The following SOX13 variants were observed in gnomAD, a reference collection of about 807,000 sequenced individuals.
The protein encoded by SOX13 is SRY-box transcription factor 13.
Under a neutral mutation model 71.8 loss-of-function variants are expected in SOX13, and 28 were observed. That is an observed-to-expected ratio of 0.39 (90% CI 0.29 to 0.53). The LOEUF is 0.53. Among genes scored for constraint, SOX13 ranks in the 20% least tolerant of loss-of-function variants. The pLI, the probability that SOX13 is intolerant of heterozygous loss-of-function variation, is 0.70. For synonymous variants in SOX13, 309 were observed against 317.8 expected, an observed-to-expected ratio of 0.97 and a Z score of 0.29; for missense variants, 627 against 810.3, an observed-to-expected ratio of 0.77 and a Z score of 2.75.
intron 1 of SOX13, among the ~76,000 whole-genome samples, chr1:204,110,057 C>T (rs1175088615): frequency 6.6e-6 from 1 of 151,956 alleles, no homozygotes; most frequent in African/African-American, 2.4e-5. Context: ...GTCTCGAACT[C>T]CCGGCTTCAG....
chr1:204,095,902 C>A (rs1656242335), intron 1 of SOX13, among the ~76,000 whole-genome samples: 1 of 152,202 alleles, frequency 6.6e-6, no homozygotes, highest in Non-Finnish European at 1.5e-5. Flanking sequence ...AAGTACCTCA[C>A]ATAAGTAGAC....
At chr1:204,124,955 A>ACC in intron 13 of SOX13, 98 bp downstream of exon 13, 1 of 875,170 alleles carries the variant, frequency 1.1e-6, no homozygotes, top group Middle Eastern at 3.3e-4. Flanking sequence ...TTTGTGTGTG[A>ACC]CCCCAGGGGT....
At chr1:204,087,295 C>T (rs1656044947) in intron 1 of SOX13, among the ~76,000 whole-genome samples, 1 of 152,174 alleles carries the variant, frequency 6.6e-6, no homozygotes, top group African/African-American at 2.4e-5. Flanking sequence ...ATAAGTCAGG[C>T]TGGGAGGCCT....
At chr1:204,078,907 G>C (rs1188770975) in intron 1 of SOX13, among the ~76,000 whole-genome samples, 1 of 152,196 alleles carries the variant, frequency 6.6e-6, no homozygotes, top group Non-Finnish European at 1.5e-5. Flanking sequence ...TTTCTCTGAG[G>C]AGCAGAGATA....
At chr1:204,103,406 G>A (rs1222885674) in intron 1 of SOX13, among the ~76,000 whole-genome samples, 1 of 152,230 alleles carries the variant, frequency 6.6e-6, no homozygotes, top group Non-Finnish European at 1.5e-5. Context: ...ACATCAGCGA[G>A]GCCTGAGTTC....
intron 1 of SOX13, among the ~76,000 whole-genome samples, chr1:204,108,512 G>C (rs1656514768): frequency 6.6e-6 from 1 of 152,238 alleles, no homozygotes; most frequent in Non-Finnish European, 1.5e-5. Flanking sequence ...TTTGTGTCCT[G>C]TTCATCTGAC....
Position 204,124,666 on chromosome 1 carries a change from C to G in SOX13, c.1401C>G (p.Asn467Lys). 1 of 1,612,846 alleles carries G rather than the reference C, an allele frequency of 6.2e-7. No individual in the cohort carries two copies. The highest frequency in any genetic ancestry group is 8.5e-7 in the Non-Finnish European group (1 of 1,179,542). ...ILGSRWKSMT[N>K]QEKQPYYEEQ... The stretch of plus-strand genomic sequence containing the variant: ...GATCTCGCTGGAAGTCCATGACCAA[C>G]CAGGAGAAGCAGCCCTACTATGAGG... The change falls in exon 13 of 14, where the codon AAC becomes AAG. Residue 467 changes from asparagine to lysine, a missense_variant. Around this residue, in one of 3 missense-constraint regions of SOX13, gnomAD observed 32 missense variants for 85.4 expected, o/e 0.37. Transcript: ENST00000367204.
chr1:204,073,168 C>G lies in SOX13; in HGVS notation c.-545C>G, dbSNP rs1363542158. ...GCCCTTCTCCAGTCCCGGCTTGGAA[C>G]TGAACTGTGTGAGCACGGGTCCTGG... On this transcript the variant is annotated 5_prime_UTR_variant, in exon 1 of 14. Transcript: ENST00000367204. The surrounding 1 kb of genome is among the most constrained non-coding windows in gnomAD (Gnocchi z 6.8). 1 of 152,306 alleles carries G rather than the reference C, an allele frequency of 6.6e-6. No individual in the cohort carries two copies. Among genetic ancestry groups the G allele is most frequent in the African/African-American group, 2.4e-5 (1 of 41,422 alleles). 9.4% of individuals were successfully genotyped at this position (152,306 alleles called of 1,614,324 possible).
rs1656620400 is a variant in SOX13, at chr1:204,113,079, C to T, written c.164C>T (p.Ser55Phe). 7 of 1,598,926 alleles carry T rather than the reference C, an allele frequency of 4.4e-6. No homozygotes were observed. Among genetic ancestry groups the T allele is most frequent in the Non-Finnish European group, 6.0e-6 (7 of 1,173,384 alleles). The change falls in exon 2 of 14, where the codon TCC (serine) becomes TTC (phenylalanine). Residue 55 changes from serine (S) to phenylalanine (F), a missense_variant. Around this residue, in one of 3 missense-constraint regions of SOX13, gnomAD observed 447 missense variants for 532.2 expected, o/e 0.84. Transcript: ENST00000367204. ...CAGCCTGGAGACCCAGCCCGGGCCT[C>T]CCAGGATAGTGCTGACCCCCAAGCT... ...EPQPGDPARA[S>F]QDSADPQAPA... is the part of the protein sequence containing the mutation.
intron 1 of SOX13, chr1:204,078,013 C>T (rs1034623439): frequency 4.6e-5 from 7 of 152,152 alleles, no homozygotes; most frequent in Admixed American, 3.9e-4. Flanking sequence ...GGCGTTTCAC[C>T]GTGTTGGTTT....
chr1:204,126,146 T>C lies in SOX13; in HGVS notation c.*12T>C, dbSNP rs754758106. ...TGCTCACAGACTGATCCCGGCTGGG[T>C]GGGCCTGGCCCCTTCTCCTCTGGGG... On this transcript the variant is annotated 3_prime_UTR_variant, in exon 14 of 14. Coordinates refer to ENST00000367204, the MANE Select transcript of SOX13 (RefSeq NM_005686.3). 2.5e-6 allele frequency: 4 copies of C among 1,611,456 alleles called. No individual in the cohort carries two copies. The highest frequency in any genetic ancestry group is 1.3e-5 in the African/African-American group (1 of 75,012).
chr1:204,091,244 C>A (rs1224660014), intron 1 of SOX13, among the ~76,000 whole-genome samples: 1 of 152,188 alleles, frequency 6.6e-6, no homozygotes, highest in Non-Finnish European at 1.5e-5. Flanking sequence ...AGACAAGTCG[C>A]GTTTCCTCGT....
At chr1:204,108,690 T>C (rs974156773) in intron 1 of SOX13, among the ~76,000 whole-genome samples, 3 of 152,072 alleles carry the variant, frequency 2.0e-5, no homozygotes, top group Admixed American at 2.0e-4. Flanking sequence ...CCGCAGTGGG[T>C]GTGAGTGAGG....
At chr1:204,080,321 C>A (rs1355818861) in intron 1 of SOX13, among the ~76,000 whole-genome samples, 2 of 150,990 alleles carry the variant, frequency 1.3e-5, no homozygotes, top group Non-Finnish European at 2.9e-5. Context: ...GTGTTACCCC[C>A]AACATTGTCC....
At chr1:204,086,066 G>C (rs1441420202) in intron 1 of SOX13, among the ~76,000 whole-genome samples, 9 of 152,200 alleles carry the variant, frequency 5.9e-5, no homozygotes, top group African/African-American at 2.2e-4. Flanking sequence ...GTGAAAGTAT[G>C]AGTATGTGTC....
chr1:204,120,899 T>C (rs1258191806), intron 7 of SOX13, among the ~76,000 whole-genome samples: 1 of 152,128 alleles, frequency 6.6e-6, no homozygotes, highest in African/African-American at 2.4e-5. Context: ...TGGGTTCAAA[T>C]CCTGATGCTG....
rs1191836470 is a variant in SOX13, at chr1:204,121,888, C to T, written c.776-12C>T. 1 of 1,601,338 alleles carries T rather than the reference C, an allele frequency of 6.2e-7. No homozygotes were observed. The highest frequency in any genetic ancestry group is 8.6e-7 in the Non-Finnish European group (1 of 1,168,620). ...TCATCCAGGACTTTTCTCCTTGCTG[C>T]CTTTTCCATAGTGGAGTATCCGCTG... On this transcript the variant is annotated splice_polypyrimidine_tract_variant and intron_variant, in intron 7 of 13. Coordinates refer to ENST00000367204, the MANE Select transcript of SOX13 (RefSeq NM_005686.3).
chr1:204,121,937 C>T lies in SOX13; in HGVS notation c.813C>T (p.Ala271=), dbSNP rs572743939. Reference sequence around the variant, plus strand: ...TGCAGCTGCTGCACAGCCCCCCTGCCCCAGTGGTGAAGAGGCCTGGGGCCA... The same window carrying T: ...TGCAGCTGCTGCACAGCCCCCCTGCTCCAGTGGTGAAGAGGCCTGGGGCCA... The part of the protein sequence containing the change: ...YPLQLLHSPP[A]PVVKRPGAMA... Residue 271 remains alanine (A), a synonymous_variant, in exon 8 of 14, where the codon GCC becomes GCT. Coordinates refer to ENST00000367204, the MANE Select transcript of SOX13 (RefSeq NM_005686.3). 3.7e-6 allele frequency: 6 copies of T among 1,613,074 alleles called. No individual in the cohort carries two copies. In the African/African-American group the frequency reaches 5.3e-5, roughly 14 times the overall value.
chr1:204,115,492 T>TAAA (rs71145062), intron 4 of SOX13, among the ~76,000 whole-genome samples: 1,612 of 50,004 alleles, frequency 0.032, 106 homozygotes, highest in East Asian at 0.3. Context: ...TTTTTTTTTT[T>TAAA]AAAAAAAAAA....
Sources: allele counts gnomAD v4.1 joint callset (sites outside exome capture counted in the v4.1 genomes callset), GRCh38; gene constraint gnomAD v4.1.1; regional missense constraint gnomAD v4.1.1; non-coding constraint Gnocchi (gnomAD v3.1); transcripts MANE v1.5; gene names NCBI Gene and HGNC (gene_info 2026-07-23, HGNC 2026-07-21).